Variants in DEUP1 observed in about 807,000 individuals in gnomAD.
The protein encoded by DEUP1 is deuterosome assembly protein 1.
DEUP1 carries 82 observed loss-of-function variants against 87.4 expected under a neutral mutation model. The ratio of observed to expected loss-of-function variants is 0.94; its 90% CI spans 0.78 to 1.13. The LOEUF is 1.13. Ranked by LOEUF, DEUP1 falls within the 50% of genes most tolerant of loss-of-function variation. DEUP1 has a pLI of 0.00. For synonymous variants in DEUP1, 214 were observed against 222.7 expected (o/e 0.96, Z 0.35); for missense variants, 663 against 681.5 (o/e 0.97, Z 0.30).
intron 13 of DEUP1, among the ~76,000 whole-genome samples, chr11:93,432,425 C>G (rs1236037319): frequency 6.6e-6 from 1 of 152,154 alleles, no homozygotes; most frequent in African/African-American, 2.4e-5. Context: ...AGTGAACATA[C>G]TAGGGAAGTG....
intron 11 of DEUP1, among the ~76,000 whole-genome samples, chr11:93,400,752 G>A (rs1947090986): frequency 1.3e-5 from 2 of 152,080 alleles, no homozygotes; most frequent in African/African-American, 2.4e-5. Flanking sequence ...ATGGTGGCAT[G>A]AAAGCAAGCT....
rs1342787302 is a variant in DEUP1 at position 93,334,070 on chromosome 11, C to T, written c.29+1782C>T. 4.6e-5 allele frequency among the ~76,000 whole-genome samples: 7 copies of T among 152,098 alleles called. No individual in the cohort carries two copies. In the South Asian group the frequency reaches 1.0e-3, roughly 22 times the overall value. On this transcript the variant is annotated intron_variant, in intron 2 of 13. Coordinates refer to ENST00000298050, the MANE Select transcript of DEUP1 (RefSeq NM_181645.4). ...TTGTTTGGGTATGGTGTAATTACAA[C>T]CCCCCAAGTTAATGAGAGTTTTTAG...
At chr11:93,357,110 G>A (rs1340058263) in intron 4 of DEUP1, 67 bp downstream of exon 4, 1 of 959,352 alleles carries the variant, frequency 1.0e-6, no homozygotes, top group East Asian at 2.7e-5. Context: ...GTAGAGTTGT[G>A]TTAACTTTAA....
intron 11 of DEUP1, 153 bp downstream of exon 11, chr11:93,396,478 T>C (rs1293813396): frequency 1.8e-6 from 1 of 557,780 alleles, no homozygotes; most frequent in Non-Finnish European, 3.1e-6. Context: ...GTTACTTTTA[T>C]CCTCAGGCTA....
rs1285398812 is a variant in DEUP1 at position 93,332,293 on chromosome 11, G to C, written c.29+5G>C. ...CCAAGCCCATAATACGATGGGGTAA[G>C]TGCTGAGAAATTTCTGTTTAATAAG... On this transcript the variant is annotated splice_donor_5th_base_variant and intron_variant, in intron 2 of 13. Coordinates refer to ENST00000298050, the MANE Select transcript of DEUP1 (RefSeq NM_181645.4). The C allele has an allele frequency of 6.2e-7, 1 of 1,606,160 alleles. No individual in the cohort carries two copies.
intron 12 of DEUP1, chr11:93,411,049 T>C (rs949855785): frequency 6.6e-6 from 1 of 152,218 alleles, no homozygotes; most frequent in Non-Finnish European, 1.5e-5. Context: ...AATAAATTAT[T>C]ACCATGTAAA....
intron 7 of DEUP1, 119 bp from the exon 8 acceptor site, chr11:93,385,279 A>C: frequency 1.1e-6 from 1 of 891,542 alleles, no homozygotes; most frequent in Non-Finnish European, 1.7e-6. Context: ...GAACAAGCAA[A>C]GGACTAAATA....
intron 11 of DEUP1, among the ~76,000 whole-genome samples, chr11:93,403,941 G>C (rs1947195783): frequency 1.3e-5 from 2 of 152,020 alleles, no homozygotes; most frequent in South Asian, 4.2e-4. Context: ...TCTAAAATAT[G>C]TGCTGTTTGG....
chr11:93,427,111 T>C (rs1947945621), intron 13 of DEUP1, among the ~76,000 whole-genome samples: 1 of 145,434 alleles, frequency 6.9e-6, no homozygotes, highest in Non-Finnish European at 1.5e-5. Flanking sequence ...CTTCAAAAAA[T>C]TGGAAGAAAC....
chr11:93,420,059 T>C (rs865979087), intron 13 of DEUP1, among the ~76,000 whole-genome samples: 61 of 152,104 alleles, frequency 4.0e-4, no homozygotes, highest in African/African-American at 1.4e-3. Flanking sequence ...CCCTAACTCA[T>C]TTTATGAGGC....
chr11:93,415,628 A>G (rs1174565213), intron 13 of DEUP1, among the ~76,000 whole-genome samples: 1 of 151,906 alleles, frequency 6.6e-6, no homozygotes, highest in South Asian at 2.1e-4. Flanking sequence ...GTTCCCTTCC[A>G]GTCTCTACTT....
At chr11:93,418,319 T>C (rs1348310518) in intron 13 of DEUP1, among the ~76,000 whole-genome samples, 3 of 151,418 alleles carry the variant, frequency 2.0e-5, no homozygotes, top group Non-Finnish European at 4.4e-5. Flanking sequence ...TACAATCAAC[T>C]CAAACAAATT....
chr11:93,416,092 C>G (rs11020318), intron 13 of DEUP1, among the ~76,000 whole-genome samples: 25,954 of 152,054 alleles, frequency 0.17, 2,372 homozygotes, highest in South Asian at 0.24. Context: ...CTGTAGGAGC[C>G]AATGAATATC....
At chr11:93,386,292 G>T (rs568898205) in intron 8 of DEUP1, among the ~76,000 whole-genome samples, 12 of 151,804 alleles carry the variant, frequency 7.9e-5, no homozygotes, top group African/African-American at 2.9e-4. Context: ...GACAGATATT[G>T]TATATTCCAT....
At chr11:93,365,936 G>A (rs75675955) in intron 5 of DEUP1, among the ~76,000 whole-genome samples, 3,988 of 152,270 alleles carry the variant, frequency 0.026, 80 homozygotes, top group Non-Finnish European at 0.038. Flanking sequence ...AGTAGTCAAA[G>A]AACATGATCA....
intron 4 of DEUP1, among the ~76,000 whole-genome samples, chr11:93,358,914 T>A (rs1184492167): frequency 6.6e-6 from 1 of 152,100 alleles, no homozygotes. Context: ...AACATTCTGA[T>A]ACCACTGTAA....
At chr11:93,434,308 C>T (rs577669312) in intron 13 of DEUP1, among the ~76,000 whole-genome samples, 6 of 152,330 alleles carry the variant, frequency 3.9e-5, no homozygotes, top group African/African-American at 1.4e-4. Flanking sequence ...TTCCTCTCCC[C>T]GTCAGCCAAC....
chr11:93,413,168 T>C (rs892660175), intron 12 of DEUP1, among the ~76,000 whole-genome samples: 1 of 152,076 alleles, frequency 6.6e-6, no homozygotes, highest in Non-Finnish European at 1.5e-5. Context: ...TCAATACCTG[T>C]GGAGAATTTG....
At chr11:93,371,541 G>A (rs905238282) in intron 7 of DEUP1, among the ~76,000 whole-genome samples, 3 of 151,954 alleles carry the variant, frequency 2.0e-5, no homozygotes, top group Non-Finnish European at 4.4e-5. Context: ...GGTCACTTAC[G>A]GACCTCTATG....
Sources: gnomAD v4.1 joint callset for allele counts (sites outside exome capture counted in the v4.1 genomes callset) on GRCh38, gnomAD v4.1.1 for gene constraint, MANE v1.5 for transcripts, NCBI Gene and HGNC (gene_info 2026-07-23, HGNC 2026-07-21) for gene names.